Variants in FAM9B observed in about 807,000 individuals in gnomAD.
FAM9B encodes protein FAM9B.
Under a neutral mutation model 16.6 loss-of-function variants are expected in FAM9B, and 18 were observed. The observed-to-expected ratio is 1.09, with a 90% CI of 0.75 to 1.61. FAM9B has a LOEUF of 1.61. Ranked by LOEUF, FAM9B falls within the 40% of genes most tolerant of loss-of-function variation. The probability of loss-of-function intolerance (pLI) is 0.00; values close to 1 mark genes in which losing one functional copy is unlikely to be tolerated. For missense variants in FAM9B, 155 were observed against 136.0 expected (o/e 1.14, Z -0.70); for synonymous variants, 43 against 42.6 (o/e 1.01, Z -0.03).
chrX:9,028,641 G>A lies in FAM9B; in HGVS notation c.393+666C>T, dbSNP rs372207950. Among the ~76,000 whole-genome samples, 11 of 111,592 alleles carry A rather than the reference G, an allele frequency of 9.9e-5. 1 individual carries two copies. The highest frequency in any genetic ancestry group is 5.6e-4 in the East Asian group (2 of 3,590). ...AGGTACTCTTACCATGTCTCCTTTC[G>A]TAGATAAGATAATTTGCCCATGGTT... On this transcript the variant is annotated intron_variant, in intron 6 of 8. Coordinates refer to ENST00000327220, the MANE Select transcript of FAM9B (RefSeq NM_205849.3).
chrX:9,032,851 C>A, intron 2 of FAM9B, 108 bp downstream of exon 2: 1 of 1,079,386 alleles, frequency 9.3e-7, no homozygotes, highest in East Asian at 3.0e-5. Flanking sequence ...TCCAGAGCCA[C>A]GAAGGGGCCT....
Position 9,032,821 on chromosome X carries a change from T to A in FAM9B, c.28+138A>T, listed in dbSNP as rs150226539. On this transcript the variant is annotated intron_variant, in intron 2 of 8. Transcript: ENST00000327220. ...GCCTGCTTTGAAAACCTGGCGCATC[T>A]TAGCACGTGCACAATGGACTCCAGA... 9.3e-3 allele frequency: 8,562 copies of A among 922,278 alleles called. 430 individuals are homozygous for A. The African/African-American group carries it at 0.14, about 15-fold the overall frequency. 76.0% of individuals were successfully genotyped at this position (922,278 alleles called of 1,213,427 possible).
At chrX:9,033,224 C>T in intron 1 of FAM9B, 149 bp from the exon 2 acceptor site, 4 of 1,119,284 alleles carry the variant, frequency 3.6e-6, no homozygotes, top group Non-Finnish European at 4.7e-6. Flanking sequence ...GCCAGTGTCC[C>T]CTCCTGTCCT....
chrX:9,027,866 A>C lies in FAM9B; in HGVS notation c.492+2T>G. On this transcript the variant is annotated splice_donor_variant, in intron 7 of 8. Transcript: ENST00000327220. LOFTEE classifies it high-confidence loss of function. Reference sequence around the variant, plus strand: ...TGTATTATGTTACCAAATAGAACAGACCTTTACGAATTGGTCACGTAGCAG... The same window carrying C: ...TGTATTATGTTACCAAATAGAACAGCCCTTTACGAATTGGTCACGTAGCAG... 3 of 1,199,836 alleles carry C rather than the reference A, an allele frequency of 2.5e-6. No homozygotes were observed. The highest frequency in any genetic ancestry group is 3.4e-6 in the Non-Finnish European group (3 of 884,775).
rs779744265 is a variant in FAM9B, at chrX:9,025,562, G to T, written c.514C>A (p.Leu172Ile). 8.3e-7 allele frequency: 1 copy of T among 1,204,510 alleles called. No homozygotes were observed. Among genetic ancestry groups the T allele is most frequent in the Admixed American group, 2.2e-5 (1 of 45,128 alleles). Residue 172 changes from leucine (L) to isoleucine (I), a missense_variant, in exon 8 of 9, where the codon CTT becomes ATT. Leu to Ile is a conservative substitution (Grantham distance 5). Transcript: ENST00000327220. The part of the protein sequence containing the change: ...FVKALEDFED[L>I]CDRVFSDEDS... ...TCATCGGAAAAAACTCTGTCACAAA[G>T]GTCTTCAAAGTCCTCAAGAGCCTAA...
chrX:9,028,146 G>GTATTAACCTTTTT (rs1048868976), intron 6 of FAM9B, among the ~76,000 whole-genome samples, 180 bp from the exon 7 acceptor site: 3 of 112,002 alleles, frequency 2.7e-5, no homozygotes, highest in African/African-American at 9.7e-5. Context: ...CTAAAATGAT[G>GTATTAACCTTTTT]TATTAACCTT....
intron 2 of FAM9B, 108 bp downstream of exon 2, chrX:9,032,851 C>G: frequency 9.3e-7 from 1 of 1,079,386 alleles, no homozygotes; most frequent in East Asian, 3.0e-5. Flanking sequence ...TCCAGAGCCA[C>G]GAAGGGGCCT....
intron 1 of FAM9B, 127 bp downstream of exon 1, chrX:9,033,725 A>T (rs1921169397): frequency 1.6e-6 from 1 of 615,850 alleles, no homozygotes. Context: ...CCTCGCCCTG[A>T]CCCAGGCCCC....
intron 7 of FAM9B, among the ~76,000 whole-genome samples, chrX:9,027,461 T>C (rs1474224677): frequency 9.0e-6 from 1 of 111,451 alleles, no homozygotes; most frequent in East Asian, 2.8e-4. Flanking sequence ...CATTTATGCC[T>C]AGTGTTCCAT....
At chrX:9,029,449 C>A (rs376783680) in intron 5 of FAM9B, 31 bp from the exon 6 acceptor site, 1 of 993,210 alleles carries the variant, frequency 1.0e-6, no homozygotes. Flanking sequence ...CACGGTCATA[C>A]GTCATAGAGA....
At chrX:9,033,705 A>AAC in intron 1 of FAM9B, 147 bp downstream of exon 1, 11 of 32,547 alleles carry the variant, frequency 3.4e-4, no homozygotes, top group Non-Finnish European at 4.2e-4. Context: ...ACCCTAGCCC[A>AAC]CCCTCAGGGC....
At chrX:9,030,582 T>G (rs1200355305) in intron 4 of FAM9B, 4 of 277,466 alleles carry the variant, frequency 1.4e-5, no homozygotes, top group African/African-American at 1.1e-4. Flanking sequence ...TTCCAGTTGG[T>G]ATAACTGAAA....
intron 3 of FAM9B, 56 bp downstream of exon 3, chrX:9,032,285 G>A: frequency 8.3e-7 from 1 of 1,207,640 alleles, no homozygotes; most frequent in Non-Finnish European, 1.1e-6. Context: ...ATGGTCCAAA[G>A]CTGACTTTTC....
intron 2 of FAM9B, 83 bp downstream of exon 2, chrX:9,032,876 C>T: frequency 8.7e-7 from 1 of 1,150,960 alleles, no homozygotes; most frequent in Non-Finnish European, 1.2e-6. Flanking sequence ...CCTCGGGCTG[C>T]CCCTGTGCCC....
At chrX:9,030,094 C>T in intron 5 of FAM9B, 167 bp downstream of exon 5, 1 of 983,278 alleles carries the variant, frequency 1.0e-6, no homozygotes, top group Non-Finnish European at 1.4e-6. Flanking sequence ...TTCTGTTAAA[C>T]TGAGGTTATA....
At chrX:9,031,743 A>AACCTCC (rs1259870969) in intron 4 of FAM9B, 1 of 127,889 alleles carries the variant, frequency 7.8e-6, no homozygotes, top group Non-Finnish European at 1.6e-5. Flanking sequence ...CTACATAACA[A>AACCTCC]ACCTCCACAT....
rs1226424772 is a variant in FAM9B, at chrX:9,024,872, G to A, written c.*537C>T. On this transcript the variant is annotated 3_prime_UTR_variant, in exon 9 of 9. Transcript: ENST00000327220. ...AATTTTGGTATTTTTAGCAGAGATG[G>A]GGTTTCACCATGTTGGCCAGGCTGG... is the stretch of plus-strand genomic sequence containing the variant. 1.8e-5 allele frequency: 2 copies of A among 111,828 alleles called. No homozygotes were observed. Among genetic ancestry groups the A allele is most frequent in the Non-Finnish European group, 3.8e-5 (2 of 53,232 alleles). 9.2% of individuals were successfully genotyped at this position (111,828 alleles called of 1,213,427 possible).
At chrX:9,030,231 A>G in intron 5 of FAM9B, 30 bp downstream of exon 5, 1 of 1,171,949 alleles carries the variant, frequency 8.5e-7, no homozygotes, top group Non-Finnish European at 1.1e-6. Flanking sequence ...TGATATAAAT[A>G]TCATTATGCA....
At chrX:9,033,310 C>T (rs1222729795) in intron 1 of FAM9B, 2 of 1,060,251 alleles carry the variant, frequency 1.9e-6, no homozygotes, top group East Asian at 3.4e-5. Flanking sequence ...ACGGCCTCTG[C>T]GGGATCCTCG....
Sources: allele counts gnomAD v4.1 joint callset (sites outside exome capture counted in the v4.1 genomes callset), GRCh38; gene constraint gnomAD v4.1.1; transcripts MANE v1.5; gene names NCBI Gene and HGNC (gene_info 2026-07-23, HGNC 2026-07-21).